HECW2: variants seen among roughly 807,000 people sequenced by gnomAD.
HECW2 encodes the protein E3 ubiquitin-protein ligase HECW2.
HECW2 carries 61 observed loss-of-function variants against 175.2 expected under a neutral mutation model. That is an observed-to-expected ratio of 0.35 (90% CI 0.28 to 0.43). The LOEUF (loss-of-function observed/expected upper bound fraction) is 0.43, where lower values mean the gene tolerates loss of function less well. Ranked by LOEUF, HECW2 falls within the 20% of genes least tolerant of loss-of-function variation. The pLI is 1.00. For missense variants in HECW2, 1,524 were observed against 2,000.5 expected (o/e 0.76, Z 4.54); for synonymous variants, 671 against 731.0 (o/e 0.92, Z 1.32).
rs67830624 is a variant in HECW2, at chr2:196,379,703, AC to A, written c.293-35940del. On this transcript the variant is annotated intron_variant, in intron 2 of 28. Coordinates refer to ENST00000644978, the MANE Select transcript of HECW2 (RefSeq NM_001348768.2). ...CCGTCTCAAAAAAAAAAAAAAAAAA[AC>A]AAAAAGATTATGGCACCTTAAGGAC... Among the ~76,000 whole-genome samples, 48 of 15,362 alleles carry A rather than the reference AC, an allele frequency of 3.1e-3. 1 individual carries two copies. Among genetic ancestry groups the A allele is most frequent in the East Asian group, 0.03 (4 of 134 alleles). 10.1% of individuals were successfully genotyped at this position (15,362 alleles called of 152,430 possible).
At chr2:196,507,203 C>CACACACTAATATGTGTATATT (rs1364864922) in intron 1 of HECW2, among the ~76,000 whole-genome samples, 16 of 152,372 alleles carry the variant, frequency 1.1e-4, no homozygotes, top group Admixed American at 2.0e-4. Flanking sequence ...GTATATTACA[C>CACACACTAATATGTGTATATT]ACACACTAAT....
At chr2:196,451,676 G>T (rs908737496) in intron 1 of HECW2, among the ~76,000 whole-genome samples, 1 of 151,988 alleles carries the variant, frequency 6.6e-6, no homozygotes, top group African/African-American at 2.4e-5. Flanking sequence ...AAGGCAAGAG[G>T]ATCACTGAGG....
At chr2:196,547,611 A>G (rs937721475) in intron 1 of HECW2, among the ~76,000 whole-genome samples, 2 of 152,308 alleles carry the variant, frequency 1.3e-5, no homozygotes, top group Middle Eastern at 3.4e-3. Flanking sequence ...GTGGATATAG[A>G]TTCAGGTGCC....
At chr2:196,497,892 C>T (rs1486963065) in intron 1 of HECW2, among the ~76,000 whole-genome samples, 3 of 152,224 alleles carry the variant, frequency 2.0e-5, no homozygotes, top group Middle Eastern at 3.2e-3. Flanking sequence ...AGTCCATTCA[C>T]ATTAGATCGT....
At chr2:196,349,554 C>T (rs73988182) in intron 2 of HECW2, among the ~76,000 whole-genome samples, 26 of 151,992 alleles carry the variant, frequency 1.7e-4, no homozygotes, top group East Asian at 3.9e-4. Context: ...CGCACACATG[C>T]GTACCTTGGC....
At position 196,223,237 on chromosome 2, in the gene HECW2, G is replaced by A. The variant is rs540262354; in HGVS notation, c.4017-897C>T. ...AGCGATAAGTGATAACATAAGATTGGTAACACTTAAAATTCATGTACTTTT... is the reference window on the plus strand; with the variant it reads ...AGCGATAAGTGATAACATAAGATTGATAACACTTAAAATTCATGTACTTTT... On this transcript the variant is annotated intron_variant, in intron 23 of 28. Transcript: ENST00000644978. 3.9e-5 allele frequency among the ~76,000 whole-genome samples: 6 copies of A among 152,230 alleles called. No homozygotes were observed. In the South Asian group the frequency reaches 1.2e-3, roughly 32 times the overall value.
intron 3 of HECW2, among the ~76,000 whole-genome samples, chr2:196,341,186 T>C (rs548871126): frequency 2.0e-5 from 3 of 152,084 alleles, no homozygotes; most frequent in African/African-American, 7.3e-5. Context: ...CATGTGGTAC[T>C]GACTTCTTCC....
At chr2:196,217,595 G>A (rs1687523454) in intron 26 of HECW2, 1 of 152,328 alleles carries the variant, frequency 6.6e-6, no homozygotes, top group South Asian at 2.1e-4. Context: ...TCTCTTAAAA[G>A]CTATATATAA....
In HECW2 at chr2:196,483,894, GA is replaced by G. The variant is rs374034644; in HGVS notation, c.-35-50437del. 6.5e-4 allele frequency among the ~76,000 whole-genome samples: 99 copies of G among 152,182 alleles called. No individual in the cohort carries two copies. In the East Asian group the frequency reaches 0.011, roughly 17 times the overall value. On this transcript the variant is annotated intron_variant, in intron 1 of 28. Transcript: ENST00000644978. ...AAAGGTTTTTGAATCTTTTGAGGGG[GA>G]AAAAACATGACATTAATGAGACCAA...
chr2:196,217,176 G>C (rs1687505591), intron 26 of HECW2, 83 bp from the exon 27 acceptor site: 4 of 893,008 alleles, frequency 4.5e-6, no homozygotes, highest in South Asian at 4.4e-5. Flanking sequence ...AGAGTCCCCA[G>C]ACATAAATCA....
chr2:196,514,307 G>A (rs1265972357), intron 1 of HECW2, among the ~76,000 whole-genome samples: 8 of 152,236 alleles, frequency 5.3e-5, no homozygotes, highest in Admixed American at 3.3e-4. Flanking sequence ...CCTCTGTATA[G>A]TCTGTAAAGT....
chr2:196,562,732 C>T (rs1032204801), intron 1 of HECW2, among the ~76,000 whole-genome samples: 3 of 152,066 alleles, frequency 2.0e-5, no homozygotes, highest in Non-Finnish European at 4.4e-5. Context: ...ATTTTTTATT[C>T]GAATCACAAA....
intron 1 of HECW2, among the ~76,000 whole-genome samples, chr2:196,498,421 A>G (rs1326468525): frequency 6.6e-6 from 1 of 152,196 alleles, no homozygotes; most frequent in African/African-American, 2.4e-5. Context: ...CTTTATGAAT[A>G]GAGATTTGTA....
chr2:196,336,279 A>C (rs1052778038), intron 3 of HECW2, among the ~76,000 whole-genome samples: 4 of 152,200 alleles, frequency 2.6e-5, no homozygotes, highest in African/African-American at 9.7e-5. Flanking sequence ...ACCTGAGCAA[A>C]CTTTACTCTC....
At chr2:196,211,552 C>A (rs1687286029) in intron 28 of HECW2, among the ~76,000 whole-genome samples, 1 of 152,184 alleles carries the variant, frequency 6.6e-6, no homozygotes, top group Non-Finnish European at 1.5e-5. Context: ...TCAACTTGCA[C>A]TGGCTGCAGA....
intron 15 of HECW2, among the ~76,000 whole-genome samples, chr2:196,274,341 A>G (rs1208043900): frequency 1.3e-5 from 2 of 152,122 alleles, no homozygotes; most frequent in East Asian, 3.8e-4. Flanking sequence ...CACATTCTTG[A>G]GAGGGGCTGG....
At chr2:196,537,012 G>A (rs1219604451) in intron 1 of HECW2, among the ~76,000 whole-genome samples, 1 of 152,072 alleles carries the variant, frequency 6.6e-6, no homozygotes, top group South Asian at 2.1e-4. Context: ...AAGAAAGCAG[G>A]GGCGAAAACC....
intron 1 of HECW2, among the ~76,000 whole-genome samples, chr2:196,444,430 T>A (rs1366512306): frequency 6.6e-6 from 1 of 152,208 alleles, no homozygotes; most frequent in Non-Finnish European, 1.5e-5. Context: ...TTCTAGCAAT[T>A]CTATCATGCA....
In HECW2 at chr2:196,460,776, A is replaced by ATT. The variant is rs201916150; in HGVS notation, c.-35-27320_-35-27319dup. On this transcript the variant is annotated intron_variant, in intron 1 of 28. Transcript: ENST00000644978. ...CAAGCATGCATCACCACACCTGGCA[A>ATT]TTTTTTTTTTTTTTTTTTTTTTTTT... Among the ~76,000 whole-genome samples the ATT allele has an allele frequency of 6.7e-3, 776 of 116,062 alleles. 37 individuals are homozygous for ATT. The highest frequency in any genetic ancestry group is 0.012 in the Non-Finnish European group (627 of 54,036). 76.1% of individuals were successfully genotyped at this position (116,062 alleles called of 152,430 possible).
Sources: allele counts gnomAD v4.1 joint callset (sites outside exome capture counted in the v4.1 genomes callset), GRCh38; gene constraint gnomAD v4.1.1; transcripts MANE v1.5; gene names NCBI Gene and HGNC (gene_info 2026-07-23, HGNC 2026-07-21).